NDFIP2: variants seen among roughly 807,000 people sequenced by gnomAD.
The protein encoded by NDFIP2 is NEDD4 family-interacting protein 2.
A neutral mutation model predicts 36.0 loss-of-function variants in NDFIP2; 19 were observed. That is an observed-to-expected ratio of 0.53 (90% CI 0.37 to 0.77). The LOEUF is 0.77. Among genes scored for constraint, NDFIP2 ranks in the 30% least tolerant of loss-of-function variants. NDFIP2 has a pLI of 0.00. For missense variants in NDFIP2, 446 were observed against 435.8 expected, an observed-to-expected ratio of 1.02 and a Z score of -0.21; for synonymous variants, 181 against 167.7, an observed-to-expected ratio of 1.08 and a Z score of -0.61.
At chr13:79,526,176 G>A (rs761772339) in intron 2 of NDFIP2, among the ~76,000 whole-genome samples, 4 of 152,140 alleles carry the variant, frequency 2.6e-5, no homozygotes, top group Non-Finnish European at 5.9e-5. Flanking sequence ...GTGACAGATT[G>A]GATAAGGATG....
chr13:79,545,676 A>G (rs61966690), intron 5 of NDFIP2, among the ~76,000 whole-genome samples: 4,557 of 152,298 alleles, frequency 0.03, 178 homozygotes, highest in Admixed American at 0.052. Flanking sequence ...GTGATGATCT[A>G]GCCATTTTAT....
At chr13:79,489,507 G>C (rs1018727599) in intron 1 of NDFIP2, among the ~76,000 whole-genome samples, 8 of 152,168 alleles carry the variant, frequency 5.3e-5, no homozygotes, top group African/African-American at 1.9e-4. Flanking sequence ...GGAGAAACTT[G>C]CACATACATG....
intron 4 of NDFIP2, among the ~76,000 whole-genome samples, chr13:79,540,991 G>C (rs1369198055): frequency 6.6e-6 from 1 of 151,936 alleles, no homozygotes; most frequent in African/African-American, 2.4e-5. Context: ...TGTGAACCTT[G>C]GTTTTTATCT....
intron 3 of NDFIP2, among the ~76,000 whole-genome samples, chr13:79,536,075 A>G (rs1304533550): frequency 1.3e-5 from 2 of 152,174 alleles, no homozygotes; most frequent in Non-Finnish European, 2.9e-5. Context: ...ACTATTTCCT[A>G]TTTCTGATGT....
intron 1 of NDFIP2, among the ~76,000 whole-genome samples, chr13:79,493,520 G>C (rs909901589): frequency 1.3e-5 from 2 of 152,120 alleles, no homozygotes; most frequent in African/African-American, 4.8e-5. Context: ...AAAGGAAATT[G>C]TTTCCAGATA....
chr13:79,526,393 A>C (rs1350516448), intron 2 of NDFIP2, among the ~76,000 whole-genome samples: 1 of 152,176 alleles, frequency 6.6e-6, no homozygotes, highest in African/African-American at 2.4e-5. Context: ...GCTAGAAATA[A>C]ATGTTGTAAA....
chr13:79,481,558 G>A, intron 1 of NDFIP2, 34 bp downstream of exon 1: 1 of 1,518,230 alleles, frequency 6.6e-7, no homozygotes, highest in African/African-American at 1.4e-5. Flanking sequence ...TCCCGGGACT[G>A]CCTCCCGCCG....
intron 6 of NDFIP2, among the ~76,000 whole-genome samples, chr13:79,549,540 A>C (rs888976840): frequency 1.3e-5 from 2 of 151,896 alleles, no homozygotes; most frequent in Non-Finnish European, 2.9e-5. Context: ...GGGAATGTGA[A>C]AATGTAATCA....
intron 2 of NDFIP2, among the ~76,000 whole-genome samples, chr13:79,523,568 A>C (rs1268408321): frequency 1.3e-5 from 2 of 152,208 alleles, no homozygotes; most frequent in Non-Finnish European, 2.9e-5. Context: ...AGTTTAATGC[A>C]TAAATTAGGC....
At position 79,554,852 on chromosome 13, in the gene NDFIP2, AAATT is replaced by A. The variant is rs1876048626; in HGVS notation, c.*2341_*2344del. ...TTGGAAGTTAATACAAAAAAATTTC[AAATT>A]ATTTCTATTGTAAATGAATAAGCTA... On this transcript the variant is annotated 3_prime_UTR_variant, in exon 8 of 8. Coordinates refer to ENST00000218652, the MANE Select transcript of NDFIP2 (RefSeq NM_019080.3). The A allele has an allele frequency of 6.6e-6, 1 of 151,982 alleles. No homozygotes were observed. Among genetic ancestry groups the A allele is most frequent in the South Asian group, 2.1e-4 (1 of 4,834 alleles). The allele number at this position is 151,982 out of a possible 1,614,324, so 9.4% of individuals were successfully genotyped here.
chr13:79,510,713 G>A (rs986103632), intron 1 of NDFIP2, among the ~76,000 whole-genome samples: 4 of 152,064 alleles, frequency 2.6e-5, no homozygotes, highest in Admixed American at 6.6e-5. Flanking sequence ...CTTATTGGCC[G>A]GGTGCGGTGG....
At chr13:79,535,867 T>C (rs1875216469) in intron 3 of NDFIP2, among the ~76,000 whole-genome samples, 1 of 152,174 alleles carries the variant, frequency 6.6e-6, no homozygotes, top group African/African-American at 2.4e-5. Flanking sequence ...TAAAACATCA[T>C]GTAATACATC....
At chr13:79,497,023 TC>T (rs1423873970) in intron 1 of NDFIP2, among the ~76,000 whole-genome samples, 2 of 152,096 alleles carry the variant, frequency 1.3e-5, no homozygotes, top group African/African-American at 4.8e-5. Context: ...GTGATTGGCA[TC>T]TACTGATTGC....
intron 2 of NDFIP2, among the ~76,000 whole-genome samples, chr13:79,524,189 A>T (rs1874700210): frequency 6.6e-6 from 1 of 152,118 alleles, no homozygotes. Flanking sequence ...ACACTTCTTG[A>T]TGGCCATCAG....
intron 1 of NDFIP2, among the ~76,000 whole-genome samples, chr13:79,499,971 CTA>C (rs1025854203): frequency 6.6e-6 from 1 of 151,786 alleles, no homozygotes; most frequent in Admixed American, 6.6e-5. Context: ...CAAGAGTTAA[CTA>C]TAGATATATG....
intron 1 of NDFIP2, among the ~76,000 whole-genome samples, chr13:79,486,419 A>G (rs966414334): frequency 3.3e-5 from 5 of 152,310 alleles, no homozygotes; most frequent in Non-Finnish European, 5.9e-5. Context: ...TTATCAATCC[A>G]TCTATTTTTC....
chr13:79,500,001 G>A (rs1285595085), intron 1 of NDFIP2, among the ~76,000 whole-genome samples: 2 of 151,846 alleles, frequency 1.3e-5, no homozygotes, highest in East Asian at 1.9e-4. Context: ...AGACAATGTG[G>A]TGTTTGTGAA....
At chr13:79,496,143 A>G (rs934659836) in intron 1 of NDFIP2, among the ~76,000 whole-genome samples, 7 of 152,032 alleles carry the variant, frequency 4.6e-5, no homozygotes, top group Non-Finnish European at 8.8e-5. Flanking sequence ...TCCTGTATTC[A>G]TTCTTGAAGA....
chr13:79,500,147 G>C (rs1461225866), intron 1 of NDFIP2, among the ~76,000 whole-genome samples: 2 of 143,160 alleles, frequency 1.4e-5, no homozygotes, highest in African/African-American at 5.2e-5. Flanking sequence ...AATGGTGCTG[G>C]AACAGCTAGA....
Sources: gnomAD v4.1 joint callset for allele counts (sites outside exome capture counted in the v4.1 genomes callset) on GRCh38, gnomAD v4.1.1 for gene constraint, MANE v1.5 for transcripts, NCBI Gene and HGNC (gene_info 2026-07-23, HGNC 2026-07-21) for gene names.